Variants in DPP6 observed in about 807,000 individuals in gnomAD.
DPP6 encodes A-type potassium channel modulatory protein DPP6.
A neutral mutation model predicts 122.6 loss-of-function variants in DPP6; 69 were observed. The ratio of observed to expected loss-of-function variants is 0.56; its 90% CI spans 0.46 to 0.69. DPP6 has a LOEUF of 0.69. Ranked by LOEUF, DPP6 falls within the 30% of genes least tolerant of loss-of-function variation. DPP6 has a pLI of 0.00. For synonymous variants in DPP6, 418 were observed against 433.1 expected (o/e 0.97, Z 0.43); for missense variants, 928 against 1,116.9 (o/e 0.83, Z 2.41).
chr7:154,805,998 G>T (rs892295458), intron 15 of DPP6, among the ~76,000 whole-genome samples: 1 of 152,246 alleles, frequency 6.6e-6, no homozygotes, highest in African/African-American at 2.4e-5. Context: ...GGGACATTGG[G>T]AAGCCCCCCT....
intron 1 of DPP6, among the ~76,000 whole-genome samples, chr7:154,127,620 C>CACACACACACACACACACACACACACAG (rs1563225612): frequency 5.9e-5 from 7 of 119,396 alleles, no homozygotes; most frequent in African/African-American, 2.4e-4. Context: ...CACACACACA[C>CACACACACACACACACACACACACACAG]ACACACACAC....
At chr7:154,427,716 C>T (rs1818028750) in intron 1 of DPP6, among the ~76,000 whole-genome samples, 1 of 152,188 alleles carries the variant, frequency 6.6e-6, no homozygotes, top group Admixed American at 6.5e-5. Flanking sequence ...CTAGTGTCTT[C>T]ATTTGCAAGC....
At chr7:154,555,806 A>G (rs916473994) in intron 4 of DPP6, among the ~76,000 whole-genome samples, 3 of 152,048 alleles carry the variant, frequency 2.0e-5, no homozygotes, top group Admixed American at 6.5e-5. Context: ...AAAGACTTCA[A>G]ATAAATCTGA....
At chr7:154,287,472 T>C (rs1804931115) in intron 1 of DPP6, among the ~76,000 whole-genome samples, 2 of 152,206 alleles carry the variant, frequency 1.3e-5, no homozygotes, top group South Asian at 4.1e-4. Context: ...TTTAGGTAAA[T>C]GTCAGCTTGT....
intron 1 of DPP6, among the ~76,000 whole-genome samples, chr7:154,076,914 A>G (rs1803596736): frequency 6.6e-6 from 1 of 151,986 alleles, no homozygotes; most frequent in African/African-American, 2.4e-5. Context: ...GTATGATAAG[A>G]TCCTGGGGGC....
At chr7:154,178,903 A>T (rs1391945342) in intron 1 of DPP6, among the ~76,000 whole-genome samples, 1 of 152,176 alleles carries the variant, frequency 6.6e-6, no homozygotes. Flanking sequence ...CTGCTTCAAG[A>T]TAGAACCCAA....
intron 8 of DPP6, among the ~76,000 whole-genome samples, chr7:154,731,066 G>A (rs191489398): frequency 2.0e-4 from 30 of 152,320 alleles, no homozygotes; most frequent in Admixed American, 9.1e-4. Flanking sequence ...AGATTTCTGA[G>A]GCTGGGAGCA....
intron 1 of DPP6, among the ~76,000 whole-genome samples, chr7:154,425,697 C>A (rs1371644678): frequency 6.6e-6 from 1 of 150,956 alleles, no homozygotes; most frequent in East Asian, 1.9e-4. Context: ...GGCTGGAGTG[C>A]AGTGGCATGA....
At position 154,760,996 on chromosome 7, in the gene DPP6, G is replaced by A. The variant is rs992264638; in HGVS notation, c.884-8421G>A. Among the ~76,000 whole-genome samples, 6 of 151,926 alleles carry A rather than the reference G, an allele frequency of 3.9e-5. No individual in the cohort carries two copies. Among genetic ancestry groups the A allele is most frequent in the African/African-American group, 7.3e-5 (3 of 41,366 alleles). ...ACTACAGGCGCCTGCCACCATGCCC[G>A]GCTAATTTTTGTATTTTTAGTAGAG... On this transcript the variant is annotated intron_variant, in intron 8 of 25. Transcript: ENST00000377770. This position sits in a 1 kb window ranked among gnomAD's most constrained non-coding sequence, Gnocchi z 4.5.
At chr7:153,939,138 G>C (rs2129016139) in intron 1 of DPP6, among the ~76,000 whole-genome samples, 1 of 152,148 alleles carries the variant, frequency 6.6e-6, no homozygotes, top group East Asian at 1.9e-4. Flanking sequence ...ATTTTTCAAT[G>C]CCTCGAAGAA....
chr7:154,862,025 A>AT (rs1803449898), intron 17 of DPP6, among the ~76,000 whole-genome samples: 1 of 152,168 alleles, frequency 6.6e-6, no homozygotes. Context: ...GCTCAGTGAG[A>AT]TTCCCCTTCC....
In DPP6 at chr7:154,052,631, C is replaced by T; in HGVS notation, c.-190C>T. 7.8e-7 allele frequency: 1 copy of T among 1,275,082 alleles called. No homozygotes were observed. The highest frequency in any genetic ancestry group is 1.7e-5 in the South Asian group (1 of 59,968). The allele number at this position is 1,275,082 out of a possible 1,614,324, so 79.0% of individuals were successfully genotyped here. A position where few individuals can be genotyped will look rare whatever the true frequency, so the allele number is the denominator to read the frequency against. ...AGGAGGCTGAGCCAGGCAGAGTCGC[C>T]AGCGGAGACTCGCGAGTGGCGCGCG... On this transcript the variant is annotated 5_prime_UTR_variant, in exon 1 of 26. Transcript: ENST00000377770. The surrounding 1 kb of genome is among the most constrained non-coding windows in gnomAD (Gnocchi z 4.8).
intron 1 of DPP6, among the ~76,000 whole-genome samples, chr7:154,318,664 G>A (rs544518632): frequency 5.3e-5 from 8 of 152,314 alleles, no homozygotes; most frequent in South Asian, 4.1e-4. Context: ...AGTTGTACCC[G>A]TAAGTTTGGA....
chr7:154,587,582 A>G (rs1757456314), intron 5 of DPP6: 4 of 1,472,024 alleles, frequency 2.7e-6, no homozygotes, highest in Non-Finnish European at 3.6e-6. Context: ...GCCCCAAAAT[A>G]GCATCCTGGG....
intron 17 of DPP6, among the ~76,000 whole-genome samples, chr7:154,858,040 T>C (rs1460958202): frequency 6.6e-6 from 1 of 152,174 alleles, no homozygotes. Context: ...CTTGTTCCAT[T>C]TGATGCTCCA....
intron 8 of DPP6, among the ~76,000 whole-genome samples, chr7:154,750,509 T>A (rs1843324481): frequency 6.6e-6 from 1 of 152,018 alleles, no homozygotes; most frequent in African/African-American, 2.4e-5. Flanking sequence ...CAAAACACTC[T>A]TTTCTCCTCC....
chr7:153,901,649 G>A (rs902256885), intron 1 of DPP6, among the ~76,000 whole-genome samples: 1 of 152,222 alleles, frequency 6.6e-6, no homozygotes, highest in Admixed American at 6.5e-5. Context: ...TGGCATTGCT[G>A]TTCAATAGGG....
chr7:154,062,962 C>T lies in DPP6; in HGVS notation c.243+9899C>T, dbSNP rs535640284. ...CAGGTAGAAATTTCAAATCTTCCGACGGCAGGTACCTTACGTGGAATTACT... is the reference window on the plus strand; with the variant it reads ...CAGGTAGAAATTTCAAATCTTCCGATGGCAGGTACCTTACGTGGAATTACT... On this transcript the variant is annotated intron_variant, in intron 1 of 25. Coordinates refer to ENST00000377770, the MANE Select transcript of DPP6 (RefSeq NM_130797.4). Among the ~76,000 whole-genome samples the T allele has an allele frequency of 5.2e-5, 7 of 133,950 alleles. 1 individual carries two copies. The highest frequency in any genetic ancestry group is 1.5e-4 in the Admixed American group (2 of 13,032). 87.9% of individuals were successfully genotyped at this position (133,950 alleles called of 152,430 possible).
chr7:154,555,893 A>T (rs1830002814), intron 4 of DPP6, among the ~76,000 whole-genome samples: 2 of 152,074 alleles, frequency 1.3e-5, no homozygotes, highest in South Asian at 4.1e-4. Context: ...AAATTGTATA[A>T]TATTAAATAA....
Sources: gnomAD v4.1 joint callset for allele counts (sites outside exome capture counted in the v4.1 genomes callset) on GRCh38, gnomAD v4.1.1 for gene constraint, Gnocchi (gnomAD v3.1) non-coding constraint, MANE v1.5 for transcripts, NCBI Gene and HGNC (gene_info 2026-07-23, HGNC 2026-07-21) for gene names.